The following OSBPL10 variants were observed in gnomAD, a reference collection of about 807,000 sequenced individuals.
The protein encoded by OSBPL10 is oxysterol binding protein like 10, also known as oxysterol-binding protein-related protein 10.
In OSBPL10, 49 loss-of-function variants were observed where a neutral mutation model predicts 81.7. The ratio of observed to expected loss-of-function variants is 0.60; its 90% CI spans 0.48 to 0.76. The LOEUF is 0.76. Among genes scored for constraint, OSBPL10 ranks in the 30% least tolerant of loss-of-function variants. The pLI is 0.00. For missense variants in OSBPL10, 923 were observed against 987.8 expected (o/e 0.93, Z 0.88); for synonymous variants, 419 against 383.6 (o/e 1.09, Z -1.08).
chr3:31,781,432 T>C (rs1698692663), intron 4 of OSBPL10, among the ~76,000 whole-genome samples: 1 of 152,156 alleles, frequency 6.6e-6, no homozygotes. Context: ...TCACCACTTC[T>C]ATTCAACACA....
In OSBPL10 at chr3:31,683,732, T is replaced by G; in HGVS notation, c.1628A>C (p.Tyr543Ser). 1 of 1,614,160 alleles carries G rather than the reference T, an allele frequency of 6.2e-7. No individual in the cohort carries two copies. The highest frequency in any genetic ancestry group is 8.5e-7 in the Non-Finnish European group (1 of 1,180,026). The change falls in exon 8 of 12, where the codon TAC becomes TCC. Residue 543 changes from tyrosine to serine, a missense_variant. This residue lies in a region of OSBPL10 where 387 missense variants were observed against 436.3 expected (regional missense o/e 0.89). Coordinates refer to ENST00000396556, the MANE Select transcript of OSBPL10 (RefSeq NM_017784.5). ...CAGTCTCTTCTCCTCGCACTCACAG[T>G]AGAAGCAGGAGATGGGTGGGTGATG... ...VSHHPPISCF[Y>S]CECEEKRLCV...
At chr3:31,944,234 A>AGAT (rs1697630452) in intron 1 of OSBPL10, among the ~76,000 whole-genome samples, 1 of 152,130 alleles carries the variant, frequency 6.6e-6, no homozygotes. Context: ...CTGTTGATAA[A>AGAT]GATTACCTAT....
At chr3:31,919,106 T>C (rs1481354590) in intron 1 of OSBPL10, among the ~76,000 whole-genome samples, 2 of 152,196 alleles carry the variant, frequency 1.3e-5, no homozygotes, top group African/African-American at 4.8e-5. Flanking sequence ...CAGAATGCCC[T>C]GCCCAGACCA....
chr3:31,723,572 C>CACACACACACACACACACACACACA (rs753039730), intron 6 of OSBPL10, among the ~76,000 whole-genome samples: 5 of 146,648 alleles, frequency 3.4e-5, no homozygotes, highest in African/African-American at 1.3e-4. Context: ...ACACACACAC[C>CACACACACACACACACACACACACA]CCTTTCCCTC....
chr3:31,952,258 G>A (rs1166517495), intron 1 of OSBPL10, among the ~76,000 whole-genome samples: 2 of 151,564 alleles, frequency 1.3e-5, no homozygotes, highest in Non-Finnish European at 2.9e-5. Context: ...CTTCAGTGAG[G>A]CAAAACTATT....
At chr3:31,868,378 C>T (rs1029759469) in intron 3 of OSBPL10, among the ~76,000 whole-genome samples, 1 of 151,990 alleles carries the variant, frequency 6.6e-6, no homozygotes, top group Non-Finnish European at 1.5e-5. Context: ...AGAAAACAGC[C>T]ACCTGAACCA....
At chr3:32,075,094 C>G (rs1208033392) in intron 1 of OSBPL10, among the ~76,000 whole-genome samples, 4 of 152,182 alleles carry the variant, frequency 2.6e-5, no homozygotes, top group Non-Finnish European at 5.9e-5. Flanking sequence ...ACTTGAATAG[C>G]AGGCATTTCA....
intron 7 of OSBPL10, among the ~76,000 whole-genome samples, chr3:31,691,334 A>G (rs1049211237): frequency 6.6e-6 from 1 of 152,174 alleles, no homozygotes; most frequent in African/African-American, 2.4e-5. Flanking sequence ...GGCGAAGGAC[A>G]CTTGGAAGGA....
chr3:31,812,723 AAAGAAAG>A (rs1699717994), intron 4 of OSBPL10, among the ~76,000 whole-genome samples: 62 of 39,284 alleles, frequency 1.6e-3, no homozygotes, highest in South Asian at 2.6e-3. Context: ...AAAAAAAAAG[AAAGAAAG>A]AAAGAAAGAA....
At chr3:31,970,035 G>A (rs1010384715) in intron 1 of OSBPL10, among the ~76,000 whole-genome samples, 7 of 151,984 alleles carry the variant, frequency 4.6e-5, no homozygotes, top group African/African-American at 1.7e-4. Context: ...AAATGAAGGG[G>A]TAGGAGACCA....
chr3:31,859,731 C>T (rs1334911651), intron 3 of OSBPL10, among the ~76,000 whole-genome samples: 1 of 152,184 alleles, frequency 6.6e-6, no homozygotes, highest in East Asian at 1.9e-4. Context: ...TCCCAGGCTC[C>T]TTAAGTTTAT....
chr3:31,877,421 T>C lies in OSBPL10; in HGVS notation c.458-909A>G, dbSNP rs554081944. The stretch of plus-strand genomic sequence containing the variant: ...CAAGTAGTCATGTTGTATAGTTATG[T>C]CCTTCCATCTATAACCTATCTCTCA... On this transcript the variant is annotated intron_variant, in intron 2 of 11. Coordinates refer to ENST00000396556, the MANE Select transcript of OSBPL10 (RefSeq NM_017784.5). 7.2e-5 allele frequency among the ~76,000 whole-genome samples: 11 copies of C among 152,318 alleles called. No homozygotes were observed. The East Asian group carries it at 2.1e-3, about 29-fold the overall frequency.
At chr3:31,949,090 G>A (rs376586290) in intron 1 of OSBPL10, among the ~76,000 whole-genome samples, 1 of 152,308 alleles carries the variant, frequency 6.6e-6, no homozygotes, top group Middle Eastern at 3.4e-3. Flanking sequence ...TAAACTTACA[G>A]ATCAAGCTTC....
At chr3:31,716,480 C>T (rs1696439114) in intron 6 of OSBPL10, among the ~76,000 whole-genome samples, 2 of 152,146 alleles carry the variant, frequency 1.3e-5, no homozygotes, top group South Asian at 4.1e-4. Flanking sequence ...TTTGGGCGCA[C>T]TCTAACATTT....
chr3:31,713,338 G>A (rs931929858), intron 6 of OSBPL10, among the ~76,000 whole-genome samples: 6 of 151,772 alleles, frequency 4.0e-5, no homozygotes, highest in South Asian at 2.1e-4. Flanking sequence ...TGCTCTTATA[G>A]GTCTTCTTCA....
chr3:31,783,537 T>C (rs1262197801), intron 4 of OSBPL10, among the ~76,000 whole-genome samples: 6 of 151,482 alleles, frequency 4.0e-5, no homozygotes, highest in African/African-American at 1.5e-4. Context: ...ACACCTGTAA[T>C]CCCAGCACTT....
chr3:31,817,336 C>T (rs1274110029), intron 4 of OSBPL10, among the ~76,000 whole-genome samples: 3 of 152,192 alleles, frequency 2.0e-5, no homozygotes, highest in Admixed American at 6.5e-5. Context: ...GGAGAGGGCA[C>T]TGGGAGAGGA....
chr3:32,016,558 T>C (rs1015893264), intron 2 of OSBPL10, among the ~76,000 whole-genome samples: 4 of 152,120 alleles, frequency 2.6e-5, no homozygotes, highest in African/African-American at 9.7e-5. Flanking sequence ...AACAAACCTG[T>C]ACGTTGTGCA....
In OSBPL10 at chr3:31,777,948, T is replaced by G. The variant is rs527373071; in HGVS notation, c.730-29828A>C. Among the ~76,000 whole-genome samples the G allele has an allele frequency of 2.0e-5, 3 of 152,108 alleles. No individual in the cohort carries two copies. The East Asian group carries it at 5.8e-4, about 29-fold the overall frequency. On this transcript the variant is annotated intron_variant, in intron 4 of 11. Transcript: ENST00000396556. ...GGCAGCAGGTGGAATCTGGGAAAGG[T>G]TGCAGGGTGAAAGAAGCTTCCAGCT...
Sources: allele counts gnomAD v4.1 joint callset (sites outside exome capture counted in the v4.1 genomes callset), GRCh38; gene constraint gnomAD v4.1.1; regional missense constraint gnomAD v4.1.1; transcripts MANE v1.5; gene names NCBI Gene and HGNC (gene_info 2026-07-23, HGNC 2026-07-21).